Variants in KIF26B observed in about 807,000 individuals in gnomAD.
KIF26B encodes kinesin family member 26B.
Under a neutral mutation model 151.2 loss-of-function variants are expected in KIF26B, and 63 were observed. That is an observed-to-expected ratio of 0.42 (90% CI 0.34 to 0.51). The LOEUF (loss-of-function observed/expected upper bound fraction) is 0.51. Ranked by LOEUF, KIF26B falls within the 20% of genes least tolerant of loss-of-function variation. The probability of loss-of-function intolerance (pLI) is 0.07; values close to 1 mark genes in which losing one functional copy is unlikely to be tolerated. For missense variants in KIF26B, 2,813 were observed against 2,913.6 expected (o/e 0.97, Z 0.79); for synonymous variants, 1,357 against 1,262.1 (o/e 1.08, Z -1.59).
At chr1:245,376,520 C>T (rs1673277143) in intron 3 of KIF26B, among the ~76,000 whole-genome samples, 1 of 152,036 alleles carries the variant, frequency 6.6e-6, no homozygotes, top group East Asian at 1.9e-4. Flanking sequence ...TGGCCAAGTC[C>T]AAGAACCACA....
intron 4 of KIF26B, among the ~76,000 whole-genome samples, chr1:245,428,587 G>T (rs999938160): frequency 1.3e-5 from 2 of 152,166 alleles, no homozygotes; most frequent in African/African-American, 4.8e-5. Flanking sequence ...GTTGTTGGGG[G>T]TGCAGTCCGT....
intron 12 of KIF26B, among the ~76,000 whole-genome samples, chr1:245,690,804 C>T (rs775129063): frequency 1.3e-5 from 2 of 152,058 alleles, no homozygotes; most frequent in Non-Finnish European, 2.9e-5. Flanking sequence ...CCCTCAATCT[C>T]GGTGACAGCA....
At chr1:245,437,213 G>A (rs1658956963) in intron 4 of KIF26B, among the ~76,000 whole-genome samples, 1 of 152,072 alleles carries the variant, frequency 6.6e-6, no homozygotes, top group Non-Finnish European at 1.5e-5. Flanking sequence ...TAGTATTCAG[G>A]CTACTGAGGT....
intron 2 of KIF26B, among the ~76,000 whole-genome samples, chr1:245,362,484 G>T (rs938393099): frequency 1.3e-5 from 2 of 150,948 alleles, no homozygotes; most frequent in South Asian, 2.1e-4. Flanking sequence ...GTTGCAGTGA[G>T]CCGAGATCGC....
At chr1:245,690,985 T>G (rs963183074) in intron 12 of KIF26B, among the ~76,000 whole-genome samples, 1 of 152,188 alleles carries the variant, frequency 6.6e-6, no homozygotes, top group African/African-American at 2.4e-5. Context: ...GTTAATGAAC[T>G]CTTGTTATTC....
At chr1:245,396,691 G>T (rs141607771) in intron 3 of KIF26B, among the ~76,000 whole-genome samples, 1 of 151,762 alleles carries the variant, frequency 6.6e-6, no homozygotes. Flanking sequence ...TTGCTTTAGC[G>T]TCTGCTATGA....
At position 245,436,004 on chromosome 1, in the gene KIF26B, C is replaced by G. The variant is rs368720983; in HGVS notation, c.1166+16259C>G. On this transcript the variant is annotated intron_variant, in intron 4 of 14. Coordinates refer to ENST00000407071, the MANE Select transcript of KIF26B (RefSeq NM_018012.4). ...CCAGCCTGGCCAACATGACAAAACC[C>G]CGTCCCTACTAAAAATACAAAAATT... Among the ~76,000 whole-genome samples, 20 of 152,140 alleles carry G rather than the reference C, an allele frequency of 1.3e-4. No individual in the cohort carries two copies. The East Asian group carries it at 1.7e-3, about 13-fold the overall frequency.
intron 10 of KIF26B, among the ~76,000 whole-genome samples, chr1:245,673,393 TA>T (rs2044319026): frequency 7.1e-6 from 1 of 140,400 alleles, no homozygotes; most frequent in Admixed American, 7.0e-5. Flanking sequence ...GCTGCCATCT[TA>T]GGCCCAGTCC....
chr1:245,476,283 G>A (rs969724900), intron 4 of KIF26B, among the ~76,000 whole-genome samples: 1 of 151,812 alleles, frequency 6.6e-6, no homozygotes, highest in African/African-American at 2.4e-5. Flanking sequence ...GAGTGTTAAA[G>A]GGTGTGAGTG....
At chr1:245,272,338 A>T (rs1558370134) in intron 2 of KIF26B, among the ~76,000 whole-genome samples, 1 of 152,234 alleles carries the variant, frequency 6.6e-6, no homozygotes, top group South Asian at 2.1e-4. Flanking sequence ...AAGCAGAAGG[A>T]TCACTTGAGC....
At chr1:245,199,511 C>G (rs1206121073) in intron 2 of KIF26B, among the ~76,000 whole-genome samples, 2 of 150,348 alleles carry the variant, frequency 1.3e-5, no homozygotes, top group Admixed American at 6.6e-5. Flanking sequence ...GAGATGGCCT[C>G]TCTGTTGCCC....
intron 2 of KIF26B, among the ~76,000 whole-genome samples, chr1:245,158,870 G>GTGTGTGGTGT (rs556695816): frequency 2.3e-5 from 1 of 42,564 alleles, no homozygotes; most frequent in Non-Finnish European, 5.7e-5. Context: ...GTGTGTGTGT[G>GTGTGTGGTGT]GTGTGTGTTT....
chr1:245,529,023 T>C (rs1661304192), intron 4 of KIF26B, among the ~76,000 whole-genome samples: 1 of 152,156 alleles, frequency 6.6e-6, no homozygotes, highest in African/African-American at 2.4e-5. Context: ...CAAAATTAGA[T>C]TCATTAGTGC....
intron 9 of KIF26B, among the ~76,000 whole-genome samples, chr1:245,637,165 C>T (rs2043842049): frequency 6.6e-6 from 1 of 151,986 alleles, no homozygotes; most frequent in African/African-American, 2.4e-5. Flanking sequence ...TTCCTGCATC[C>T]TCTCCAGCAT....
rs868069898 is a variant in KIF26B at position 245,183,911 on chromosome 1, G to A, written c.465+27228G>A. 2.1e-4 allele frequency among the ~76,000 whole-genome samples: 32 copies of A among 152,030 alleles called. 1 individual carries two copies. Among genetic ancestry groups the A allele is most frequent in the Non-Finnish European group, 3.1e-4 (21 of 68,008 alleles). The stretch of plus-strand genomic sequence containing the variant: ...TTGTCAGAAGGGCAGACAGAGTGAT[G>A]GAGTTTTTTGTTGGGGTACTGTCAT... On this transcript the variant is annotated intron_variant, in intron 2 of 14. Transcript: ENST00000407071.
chr1:245,621,111 A>G (rs905617663), intron 9 of KIF26B, among the ~76,000 whole-genome samples: 3 of 152,188 alleles, frequency 2.0e-5, no homozygotes, highest in African/African-American at 7.2e-5. Flanking sequence ...CAGCCCAATT[A>G]AATTAGAAAG....
At chr1:245,330,082 G>T (rs1672069934) in intron 2 of KIF26B, among the ~76,000 whole-genome samples, 2 of 151,988 alleles carry the variant, frequency 1.3e-5, no homozygotes, top group Non-Finnish European at 1.5e-5. Context: ...GAGCCACTGT[G>T]CCTGGCCCCC....
chr1:245,641,293 TATA>T (rs1399575170), intron 9 of KIF26B, among the ~76,000 whole-genome samples: 3 of 148,864 alleles, frequency 2.0e-5, no homozygotes, highest in Admixed American at 2.0e-4. Flanking sequence ...TGAGTTTAAT[TATA>T]ATATGTCTTG....
intron 4 of KIF26B, among the ~76,000 whole-genome samples, chr1:245,460,289 GT>G (rs1206419776): frequency 1.8e-4 from 28 of 151,982 alleles, no homozygotes; most frequent in Non-Finnish European, 4.4e-5. Context: ...TTTTTGTTTT[GT>G]TTTTGTTTTT....
Sources: gnomAD v4.1 joint callset for allele counts (sites outside exome capture counted in the v4.1 genomes callset) on GRCh38, gnomAD v4.1.1 for gene constraint, MANE v1.5 for transcripts, NCBI Gene and HGNC (gene_info 2026-07-23, HGNC 2026-07-21) for gene names.